The following MARCHF6 variants were observed in gnomAD, a reference collection of about 807,000 sequenced individuals.
MARCHF6 encodes membrane associated ring-CH-type finger 6.
A neutral mutation model predicts 133.7 loss-of-function variants in MARCHF6; 31 were observed. That is an observed-to-expected ratio of 0.23 (90% CI 0.17 to 0.31). The LOEUF (loss-of-function observed/expected upper bound fraction) is 0.31. Ranked by LOEUF, MARCHF6 falls within the 10% of genes least tolerant of loss-of-function variation. The pLI is 1.00. For synonymous variants in MARCHF6, 395 were observed against 402.5 expected, an observed-to-expected ratio of 0.98 and a Z score of 0.22; for missense variants, 723 against 1,121.6, an observed-to-expected ratio of 0.64 and a Z score of 5.08.
At chr5:10,384,511 C>G (rs1197653515) in intron 4 of MARCHF6, among the ~76,000 whole-genome samples, 3 of 152,200 alleles carry the variant, frequency 2.0e-5, no homozygotes, top group African/African-American at 7.2e-5. Context: ...CTCTCCGTAT[C>G]TGTGGGTTCT....
At chr5:10,368,184 C>T (rs570774274) in intron 1 of MARCHF6, among the ~76,000 whole-genome samples, 4 of 152,290 alleles carry the variant, frequency 2.6e-5, no homozygotes. Flanking sequence ...GTATACAAAA[C>T]AGGCTATTCT....
chr5:10,390,228 G>C (rs1229438208), intron 5 of MARCHF6, 104 bp from the exon 6 acceptor site: 7 of 656,702 alleles, frequency 1.1e-5, no homozygotes, highest in Non-Finnish European at 1.7e-5. Context: ...TCTTCTGGCT[G>C]TTTTTTTTTT....
chr5:10,391,325 G>T (rs968298054), intron 6 of MARCHF6, among the ~76,000 whole-genome samples: 36 of 151,416 alleles, frequency 2.4e-4, no homozygotes, highest in African/African-American at 8.7e-4. Context: ...TACAGATAGG[G>T]TCTTGCTGTG....
chr5:10,374,649 A>G (rs530812647), intron 1 of MARCHF6, among the ~76,000 whole-genome samples: 5 of 152,282 alleles, frequency 3.3e-5, no homozygotes. Context: ...AGTTTTTGCC[A>G]AGGATGTTTT....
chr5:10,390,584 C>T, intron 6 of MARCHF6, 84 bp downstream of exon 6: 2 of 1,254,206 alleles, frequency 1.6e-6, no homozygotes, highest in Non-Finnish European at 2.2e-6. Context: ...CTCTTGACTT[C>T]CATGTCCCTC....
chr5:10,399,024 A>T (rs142842838), intron 10 of MARCHF6, among the ~76,000 whole-genome samples: 1,803 of 152,294 alleles, frequency 0.012, 12 homozygotes, highest in South Asian at 0.052. Flanking sequence ...CTTCCACTAG[A>T]AGGTGACAAT....
In MARCHF6 at chr5:10,405,587, A is replaced by G. The variant is rs754506155; in HGVS notation, c.1362A>G (p.Leu454=). The change falls in exon 16 of 26, where the codon CTA becomes CTG. Residue 454 remains leucine, a synonymous_variant. Coordinates refer to ENST00000274140, the MANE Select transcript of MARCHF6 (RefSeq NM_005885.4). ...EVLRPGVLWF[L]RNLNDPDFNP... ...TTCGACCTGGTGTCCTGTGGTTTCT[A>G]AGGAATTTGAATGATCCAGATTTCA... The G allele has an allele frequency of 1.9e-6, 3 of 1,609,078 alleles. No homozygotes were observed. The highest frequency in any genetic ancestry group is 1.7e-5 in the Admixed American group (1 of 59,084).
intron 16 of MARCHF6, among the ~76,000 whole-genome samples, chr5:10,406,580 G>C (rs982395703): frequency 1.3e-5 from 2 of 151,920 alleles, no homozygotes; most frequent in Non-Finnish European, 2.9e-5. Context: ...AGTAGATGCG[G>C]GGTTTCACTA....
At chr5:10,399,500 G>T (rs1008945965) in intron 10 of MARCHF6, among the ~76,000 whole-genome samples, 11 of 152,048 alleles carry the variant, frequency 7.2e-5, no homozygotes, top group African/African-American at 2.7e-4. Flanking sequence ...ATAAAGAAAA[G>T]ATAACTATAT....
At chr5:10,409,738 G>T (rs1188201388) in intron 17 of MARCHF6, among the ~76,000 whole-genome samples, 2 of 152,176 alleles carry the variant, frequency 1.3e-5, no homozygotes, top group African/African-American at 4.8e-5. Flanking sequence ...CAATGATCCT[G>T]GTGAGAGGTG....
At chr5:10,410,523 A>C (rs558984650) in intron 18 of MARCHF6, among the ~76,000 whole-genome samples, 3 of 151,744 alleles carry the variant, frequency 2.0e-5, no homozygotes, top group Non-Finnish European at 4.4e-5. Flanking sequence ...TCCAGCTTTC[A>C]TGGAGTAAAT....
At chr5:10,375,287 G>C (rs1378571957) in intron 1 of MARCHF6, among the ~76,000 whole-genome samples, 2 of 152,250 alleles carry the variant, frequency 1.3e-5, no homozygotes, top group Non-Finnish European at 2.9e-5. Context: ...GGCAGTGAGA[G>C]ACTTGGCACC....
rs186154976 is a variant in MARCHF6, at chr5:10,379,169, A to G, written c.190+337A>G. Among the ~76,000 whole-genome samples the G allele has an allele frequency of 3.4e-3, 523 of 152,218 alleles. 9 individuals are homozygous for G. The highest frequency in any genetic ancestry group is 1.7e-3 in the Non-Finnish European group (119 of 68,010). On this transcript the variant is annotated intron_variant, in intron 3 of 25. Coordinates refer to ENST00000274140, the MANE Select transcript of MARCHF6 (RefSeq NM_005885.4). ...TGAACCCATCACTTAGTGTCAACTC[A>G]TAGCCTGTCTTGTTTTACATACACT...
intron 4 of MARCHF6, among the ~76,000 whole-genome samples, chr5:10,382,200 AAAATC>A (rs1737189319): frequency 6.6e-6 from 1 of 152,228 alleles, no homozygotes; most frequent in South Asian, 2.1e-4. Context: ...AAGCGTTGAA[AAAATC>A]AAATCAAATC....
chr5:10,421,804 T>C (rs1292194765), intron 22 of MARCHF6: 1 of 152,236 alleles, frequency 6.6e-6, no homozygotes, highest in East Asian at 1.9e-4. Context: ...AGTAGGAGAC[T>C]GTTGGAGGGC....
intron 1 of MARCHF6, among the ~76,000 whole-genome samples, chr5:10,366,486 G>T (rs2126658865): frequency 6.6e-6 from 1 of 152,332 alleles, no homozygotes; most frequent in East Asian, 1.9e-4. Flanking sequence ...TAGTGCCACG[G>T]TTATTACTTG....
Position 10,364,483 on chromosome 5 carries a change from C to T in MARCHF6, c.19+10566C>T, listed in dbSNP as rs187095240. The stretch of plus-strand genomic sequence containing the variant: ...CCTTTCTTCTTAGATATCCCTCCAG[C>T]ACCCTCTACTGGCAAAGTTTAACTG... On this transcript the variant is annotated intron_variant, in intron 1 of 25. Transcript: ENST00000274140. 1.2e-4 allele frequency among the ~76,000 whole-genome samples: 18 copies of T among 152,248 alleles called. No homozygotes were observed. The East Asian group carries it at 3.5e-3, about 29-fold the overall frequency.
At chr5:10,425,676 G>T (rs1188820396) in intron 23 of MARCHF6, among the ~76,000 whole-genome samples, 2 of 152,192 alleles carry the variant, frequency 1.3e-5, no homozygotes, top group Non-Finnish European at 2.9e-5. Context: ...GCTAAGAGAG[G>T]TTTAAGTGCT....
intron 6 of MARCHF6, among the ~76,000 whole-genome samples, chr5:10,390,909 A>C (rs1737791745): frequency 6.6e-6 from 1 of 152,216 alleles, no homozygotes; most frequent in African/African-American, 2.4e-5. Context: ...AGGACTACAG[A>C]ATGTTTTTAA....
Sources: allele counts gnomAD v4.1 joint callset (sites outside exome capture counted in the v4.1 genomes callset), GRCh38; gene constraint gnomAD v4.1.1; transcripts MANE v1.5; gene names NCBI Gene and HGNC (gene_info 2026-07-23, HGNC 2026-07-21).